The following RDX variants were observed in gnomAD, a reference collection of about 807,000 sequenced individuals.
RDX encodes deafness, autosomal recessive 24.
In RDX, 32 loss-of-function variants were observed where a neutral mutation model predicts 83.7. The ratio of observed to expected loss-of-function variants is 0.38; its 90% CI spans 0.29 to 0.51. RDX has a LOEUF of 0.51. Among genes scored for constraint, RDX ranks in the 20% least tolerant of loss-of-function variants. RDX has a pLI of 0.87. For missense variants in RDX, 600 were observed against 689.9 expected (o/e 0.87, Z 1.46); for synonymous variants, 229 against 222.7 (o/e 1.03, Z -0.25).
intron 12 of RDX, among the ~76,000 whole-genome samples, chr11:110,234,878 T>C (rs1864779495): frequency 6.6e-6 from 1 of 152,238 alleles, no homozygotes; most frequent in South Asian, 2.1e-4. Context: ...AGAAAAATCA[T>C]CTTCTAAAAC....
intron 15 of RDX, among the ~76,000 whole-genome samples, chr11:110,193,094 T>C (rs1863133311): frequency 6.6e-6 from 1 of 151,970 alleles, no homozygotes; most frequent in African/African-American, 2.4e-5. Context: ...GTACGCCCAA[T>C]AGCAAAGATA....
intron 15 of RDX, among the ~76,000 whole-genome samples, chr11:110,190,782 A>G (rs993990366): frequency 2.6e-5 from 4 of 152,226 alleles, no homozygotes; most frequent in African/African-American, 9.6e-5. Context: ...CCACAGAAAT[A>G]CAAAAGATCT....
At chr11:110,196,511 G>C (rs1422976950) in intron 15 of RDX, among the ~76,000 whole-genome samples, 1 of 152,218 alleles carries the variant, frequency 6.6e-6, no homozygotes, top group Admixed American at 6.5e-5. Context: ...GATATAAGAT[G>C]ACGGTATAAA....
At chr11:110,275,006 T>C (rs1315160114) in intron 2 of RDX, among the ~76,000 whole-genome samples, 2 of 152,348 alleles carry the variant, frequency 1.3e-5, no homozygotes, top group East Asian at 1.9e-4. Context: ...ACTGTGTCAA[T>C]GTATACTCCT....
chr11:110,284,589 C>T (rs542942222), intron 1 of RDX, among the ~76,000 whole-genome samples: 7 of 151,156 alleles, frequency 4.6e-5, no homozygotes, highest in African/African-American at 7.3e-5. Context: ...GGCGCGATAT[C>T]GGCTCACTGC....
chr11:110,240,081 A>G (rs1591140158), intron 10 of RDX, among the ~76,000 whole-genome samples: 2 of 152,334 alleles, frequency 1.3e-5, no homozygotes, highest in African/African-American at 2.4e-5. Context: ...AAAGGAAATC[A>G]ATATATTGGA....
At chr11:110,273,736 A>G (rs538389224) in intron 2 of RDX, among the ~76,000 whole-genome samples, 84 of 152,316 alleles carry the variant, frequency 5.5e-4, no homozygotes, top group African/African-American at 1.9e-3. Flanking sequence ...AAATTATTTT[A>G]TCTTTTATTA....
intron 14 of RDX, among the ~76,000 whole-genome samples, chr11:110,219,290 A>G (rs1358974113): frequency 6.6e-6 from 1 of 152,194 alleles, no homozygotes; most frequent in African/African-American, 2.4e-5. Flanking sequence ...TCAATTTAAC[A>G]AGAGAAGAGG....
At chr11:110,269,070 C>T (rs558566181) in intron 3 of RDX, among the ~76,000 whole-genome samples, 8 of 152,068 alleles carry the variant, frequency 5.3e-5, no homozygotes, top group African/African-American at 1.7e-4. Context: ...TCTCCCACCT[C>T]AGCCTCCTGA....
intron 15 of RDX, among the ~76,000 whole-genome samples, chr11:110,178,613 G>A (rs1862822524): frequency 6.6e-6 from 1 of 152,170 alleles, no homozygotes; most frequent in Non-Finnish European, 1.5e-5. Context: ...AGTCCCAAAG[G>A]TTGATAGATT....
chr11:110,184,550 G>A (rs1232626232), intron 15 of RDX, among the ~76,000 whole-genome samples: 1 of 152,220 alleles, frequency 6.6e-6, no homozygotes, highest in African/African-American at 2.4e-5. Flanking sequence ...TCGGCAGAGG[G>A]AAGAAGGGAA....
At chr11:110,271,638 C>T (rs1359373738) in intron 3 of RDX, among the ~76,000 whole-genome samples, 1 of 152,106 alleles carries the variant, frequency 6.6e-6, no homozygotes, top group Admixed American at 6.6e-5. Context: ...GAAGGGGTTT[C>T]CAAGCACTGT....
chr11:110,175,149 G>C (rs1321411394), exon 16 of RDX: 1 of 152,208 alleles, frequency 6.6e-6, no homozygotes, highest in Non-Finnish European at 1.5e-5. Flanking sequence ...CGCTGCGTCT[G>C]ATAAGCAACA....
chr11:110,237,613 T>C lies in RDX; in HGVS notation c.1130A>G (p.Gln377Arg). 1 of 1,614,214 alleles carries C rather than the reference T, an allele frequency of 6.2e-7. No homozygotes were observed. The highest frequency in any genetic ancestry group is 8.5e-7 in the Non-Finnish European group (1 of 1,180,030). ...EQTRKALELD[Q>R]ERKRAKEEAE... ...TTCTTCTTTTGCTCGTTTTCGTTCT[T>C]GATCCAGTTCTAGAGCTTTTCGAGT... is the stretch of plus-strand genomic sequence containing the variant. Residue 377 changes from glutamine (Q) to arginine (R), a missense_variant, in exon 11 of 14, where the codon CAA (glutamine) becomes CGA (arginine). By Grantham distance (43) the Gln-to-Arg change is conservative (BLOSUM62 1). Coordinates refer to ENST00000645495, the MANE Select transcript of RDX (RefSeq NM_002906.4).
At chr11:110,216,996 C>T (rs1385196567) in intron 14 of RDX, among the ~76,000 whole-genome samples, 2 of 152,238 alleles carry the variant, frequency 1.3e-5, no homozygotes, top group African/African-American at 4.8e-5. Context: ...CCCTCTTCCT[C>T]ACTCTTTGGA....
chr11:110,259,174 G>A (rs1859690873), intron 5 of RDX, among the ~76,000 whole-genome samples: 1 of 152,162 alleles, frequency 6.6e-6, no homozygotes, highest in African/African-American at 2.4e-5. Context: ...CTGACCTCAA[G>A]TGATCCACCT....
chr11:110,217,019 C>T (rs939903228), intron 14 of RDX, among the ~76,000 whole-genome samples: 1 of 152,226 alleles, frequency 6.6e-6, no homozygotes, highest in South Asian at 2.1e-4. Flanking sequence ...GAGCAGGAGA[C>T]TCCTGACGAG....
chr11:110,238,140 A>G (rs1299039135), intron 10 of RDX, among the ~76,000 whole-genome samples: 1 of 152,262 alleles, frequency 6.6e-6, no homozygotes, highest in Non-Finnish European at 1.5e-5. Context: ...ATCTAAACTA[A>G]TAAGTAAATC....
chr11:110,197,008 C>A (rs1427790096), intron 15 of RDX, among the ~76,000 whole-genome samples: 1 of 152,204 alleles, frequency 6.6e-6, no homozygotes, highest in Non-Finnish European at 1.5e-5. Flanking sequence ...AAGCAATTCT[C>A]CCACCTCAGC....
Sources: allele counts gnomAD v4.1 joint callset (sites outside exome capture counted in the v4.1 genomes callset), GRCh38; gene constraint gnomAD v4.1.1; transcripts MANE v1.5; gene names NCBI Gene and HGNC (gene_info 2026-07-23, HGNC 2026-07-21).